Variants in ARHGAP42 observed in about 807,000 individuals in gnomAD.
ARHGAP42 encodes rho GTPase-activating protein 42.
A neutral mutation model predicts 125.0 loss-of-function variants in ARHGAP42; 63 were observed. The ratio of observed to expected loss-of-function variants is 0.50; its 90% CI spans 0.41 to 0.62. The LOEUF (loss-of-function observed/expected upper bound fraction) is 0.62, where lower values mean the gene tolerates loss of function less well. Ranked by LOEUF, ARHGAP42 falls within the 20% of genes least tolerant of loss-of-function variation. ARHGAP42 has a pLI of 0.00. For synonymous variants in ARHGAP42, 339 were observed against 351.0 expected, an observed-to-expected ratio of 0.97 and a Z score of 0.38; for missense variants, 766 against 1,024.2, an observed-to-expected ratio of 0.75 and a Z score of 3.44.
intron 8 of ARHGAP42, among the ~76,000 whole-genome samples, chr11:100,939,339 T>C (rs1867816869): frequency 6.6e-6 from 1 of 152,150 alleles, no homozygotes. Context: ...GTCTCTATTC[T>C]CGGTAGTGTC....
At chr11:100,981,597 T>C (rs1490558324) in intron 22 of ARHGAP42, among the ~76,000 whole-genome samples, 2 of 152,152 alleles carry the variant, frequency 1.3e-5, no homozygotes, top group Non-Finnish European at 2.9e-5. Context: ...CCCCCAGCAT[T>C]GCTGCAGGCA....
chr11:100,900,542 T>C (rs969557170), intron 4 of ARHGAP42, among the ~76,000 whole-genome samples: 1 of 152,164 alleles, frequency 6.6e-6, no homozygotes, highest in African/African-American at 2.4e-5. Context: ...CTTTAAGGTA[T>C]ACCAATCAAA....
At chr11:100,831,714 T>G (rs1169536493) in intron 3 of ARHGAP42, among the ~76,000 whole-genome samples, 1 of 152,242 alleles carries the variant, frequency 6.6e-6, no homozygotes, top group Non-Finnish European at 1.5e-5. Context: ...CTACTTTTTC[T>G]GGTTTACTGG....
chr11:100,960,851 T>C, intron 13 of ARHGAP42, 64 bp from the exon 14 acceptor site: 1 of 1,122,426 alleles, frequency 8.9e-7, no homozygotes, highest in Non-Finnish European at 1.2e-6. Flanking sequence ...GTCTGAGTTT[T>C]TAACATTCTG....
chr11:100,922,360 A>T (rs918647062), intron 6 of ARHGAP42, among the ~76,000 whole-genome samples: 1 of 152,176 alleles, frequency 6.6e-6, no homozygotes, highest in African/African-American at 2.4e-5. Context: ...GGTCTTTATA[A>T]GCTTATTTCA....
intron 1 of ARHGAP42, among the ~76,000 whole-genome samples, chr11:100,732,854 G>C (rs2120311332): frequency 6.6e-6 from 1 of 152,214 alleles, no homozygotes; most frequent in East Asian, 1.9e-4. Context: ...ATGCTACTCA[G>C]CCTGCCTTAA....
At chr11:100,956,200 G>A (rs1390593533) in intron 12 of ARHGAP42, among the ~76,000 whole-genome samples, 1 of 152,126 alleles carries the variant, frequency 6.6e-6, no homozygotes, top group Non-Finnish European at 1.5e-5. Context: ...TCCAGTTAAG[G>A]GAGGAAAAGT....
At chr11:100,952,813 C>T (rs1200623234) in intron 12 of ARHGAP42, among the ~76,000 whole-genome samples, 2 of 149,712 alleles carry the variant, frequency 1.3e-5, no homozygotes, top group African/African-American at 4.9e-5. Context: ...CTGTAACCTC[C>T]GCCTCCTGGG....
intron 3 of ARHGAP42, among the ~76,000 whole-genome samples, chr11:100,850,673 C>T (rs1322994262): frequency 6.6e-6 from 1 of 152,022 alleles, no homozygotes; most frequent in East Asian, 1.9e-4. Flanking sequence ...TATCTGTTAA[C>T]CTATAACATT....
chr11:100,866,807 G>A (rs998554285), intron 4 of ARHGAP42, among the ~76,000 whole-genome samples: 1 of 152,126 alleles, frequency 6.6e-6, no homozygotes, highest in Non-Finnish European at 1.5e-5. Context: ...TGAGATTTGG[G>A]TGGGAACACA....
intron 5 of ARHGAP42, among the ~76,000 whole-genome samples, chr11:100,918,994 A>G (rs558337643): frequency 1.3e-5 from 2 of 152,318 alleles, no homozygotes; most frequent in South Asian, 2.1e-4. Flanking sequence ...CACAGGACTC[A>G]GCATATAGTC....
At chr11:100,933,308 G>T in intron 7 of ARHGAP42, 48 bp downstream of exon 7, 1 of 1,327,674 alleles carries the variant, frequency 7.5e-7, no homozygotes, top group South Asian at 1.5e-5. Flanking sequence ...CTGCAAATCT[G>T]ATTTCACAGG....
chr11:100,927,282 GTTTTTC>G (rs1448794461), intron 6 of ARHGAP42, among the ~76,000 whole-genome samples: 2 of 152,002 alleles, frequency 1.3e-5, no homozygotes, highest in Non-Finnish European at 2.9e-5. Context: ...ATTTTGATGT[GTTTTTC>G]TTTTTCAACG....
intron 5 of ARHGAP42, among the ~76,000 whole-genome samples, chr11:100,916,013 A>T (rs1250790870): frequency 2.0e-5 from 3 of 152,308 alleles, no homozygotes; most frequent in Admixed American, 2.0e-4. Flanking sequence ...GTTCTCAAAA[A>T]GGCTCCTCTG....
chr11:100,926,604 A>T (rs1867431578), intron 6 of ARHGAP42, among the ~76,000 whole-genome samples: 1 of 152,218 alleles, frequency 6.6e-6, no homozygotes, highest in Non-Finnish European at 1.5e-5. Flanking sequence ...ACAGCTGTGC[A>T]AATATGGCAC....
At chr11:100,921,241 ATATATTTTTTTTTT>A (rs1216261238) in intron 5 of ARHGAP42, among the ~76,000 whole-genome samples, 17 of 25,098 alleles carry the variant, frequency 6.8e-4, no homozygotes, top group South Asian at 2.7e-3. Context: ...ATATATATAT[ATATATTTTTTTTTT>A]TTTTTTTTTT....
chr11:100,955,139 C>T (rs1857770150), intron 12 of ARHGAP42, among the ~76,000 whole-genome samples: 1 of 151,872 alleles, frequency 6.6e-6, no homozygotes, highest in Non-Finnish European at 1.5e-5. Context: ...TGTTTGAATT[C>T]TGTTGAGATT....
At chr11:100,935,240 G>T (rs1047393849) in intron 7 of ARHGAP42, among the ~76,000 whole-genome samples, 3 of 151,998 alleles carry the variant, frequency 2.0e-5, no homozygotes, top group Non-Finnish European at 4.4e-5. Context: ...GGTATTCATA[G>T]AGAAAAGTCT....
chr11:100,900,531 A>G (rs1866515818), intron 4 of ARHGAP42, among the ~76,000 whole-genome samples: 1 of 152,024 alleles, frequency 6.6e-6, no homozygotes, highest in African/African-American at 2.4e-5. Context: ...TCTCCCCATC[A>G]CTTTAAGGTA....
Sources: allele counts gnomAD v4.1 joint callset (sites outside exome capture counted in the v4.1 genomes callset), GRCh38; gene constraint gnomAD v4.1.1; transcripts MANE v1.5; gene names NCBI Gene and HGNC (gene_info 2026-07-23, HGNC 2026-07-21).